The following FLT1 variants were observed in gnomAD, a reference collection of about 807,000 sequenced individuals.
The protein encoded by FLT1 is fms related receptor tyrosine kinase 1.
In FLT1, 49 loss-of-function variants were observed where a neutral mutation model predicts 156.3. The observed-to-expected ratio is 0.31, with a 90% confidence interval of 0.25 to 0.40. FLT1 has a LOEUF of 0.40. Ranked by LOEUF, FLT1 falls within the 10% of genes least tolerant of loss-of-function variation. FLT1 has a pLI of 1.00. For missense variants in FLT1, 1,322 were observed against 1,637.2 expected, an observed-to-expected ratio of 0.81 and a Z score of 3.32; for synonymous variants, 594 against 583.8, an observed-to-expected ratio of 1.02 and a Z score of -0.25.
intron 27 of FLT1, 139 bp from the exon 28 acceptor site, chr13:28,309,066 T>C (rs970866659): frequency 1.1e-5 from 7 of 645,724 alleles, no homozygotes; most frequent in South Asian, 3.2e-5. Context: ...GGCCCCGATC[T>C]CCCCGCCGTG....
intron 3 of FLT1, among the ~76,000 whole-genome samples, chr13:28,451,039 C>T (rs534682054): frequency 1.3e-5 from 2 of 152,174 alleles, no homozygotes; most frequent in Non-Finnish European, 1.5e-5. Context: ...AGACTCACCG[C>T]GGAAACCAAG....
chr13:28,337,830 A>G (rs1872180057), intron 17 of FLT1, among the ~76,000 whole-genome samples: 2 of 152,234 alleles, frequency 1.3e-5, no homozygotes, highest in South Asian at 2.1e-4. Flanking sequence ...TACTGGAAGA[A>G]GCATGTTTGA....
Position 28,301,954 on chromosome 13 carries a change from A to G in FLT1, c.*1213T>C. The G allele has an allele frequency of 4.3e-6, 1 of 233,534 alleles. No homozygotes were observed. Among genetic ancestry groups the G allele is most frequent in the Non-Finnish European group, 8.5e-6 (1 of 118,016 alleles). The allele number at this position is 233,534 out of a possible 1,614,324, so 14.5% of individuals were successfully genotyped here. A position where few individuals can be genotyped will look rare whatever the true frequency, so the allele number is the denominator to read the frequency against. ...TATGCGCCAGCTAATGCTCTTCCAC[A>G]TCCTTTCAGATTAGTGTGAGATAGT... On this transcript the variant is annotated 3_prime_UTR_variant, in exon 30 of 30. Transcript: ENST00000282397.
Position 28,473,835 on chromosome 13 carries a change from A to AAGG in FLT1, c.65-6219_65-6218insCCT, listed in dbSNP as rs1566051004. The stretch of plus-strand genomic sequence containing the variant: ...GAAAGAAAGAAAGAAAGAAAGAAAG[A>AAGG]AAGGAAGAAAGAAAGAAAGAAAGAA... On this transcript the variant is annotated intron_variant, in intron 1 of 29. Coordinates refer to ENST00000282397, the MANE Select transcript of FLT1 (RefSeq NM_002019.4). 1.9e-4 allele frequency among the ~76,000 whole-genome samples: 23 copies of AAGG among 118,782 alleles called. 1 individual carries two copies. The highest frequency in any genetic ancestry group is 8.9e-4 in the African/African-American group (22 of 24,792). The allele number at this position is 118,782 out of a possible 152,430, so 77.9% of individuals were successfully genotyped here.
chr13:28,413,181 C>T (rs1683791046), intron 10 of FLT1, among the ~76,000 whole-genome samples: 2 of 152,232 alleles, frequency 1.3e-5, no homozygotes, highest in South Asian at 4.2e-4. Flanking sequence ...GGGGATCCAG[C>T]GTCCTGGGCC....
chr13:28,300,521 C>CCACACACA lies in FLT1; in HGVS notation c.*2638_*2645dup, dbSNP rs57419092. 5.0e-3 allele frequency: 1,117 copies of CCACACACA among 225,564 alleles called. 12 individuals are homozygous for CCACACACA. Among genetic ancestry groups the CCACACACA allele is most frequent in the African/African-American group, 0.024 (1,021 of 42,820 alleles). The allele number at this position is 225,564 out of a possible 1,614,324, so 14.0% of individuals were successfully genotyped here. On this transcript the variant is annotated 3_prime_UTR_variant, in exon 30 of 30. Transcript: ENST00000282397. ...AGTTATGCACAAAACACACATACAC[C>CCACACACA]CACACACACACACACACACACACAC...
At chr13:28,324,139 T>C (rs1275239604) in intron 20 of FLT1, among the ~76,000 whole-genome samples, 1 of 152,198 alleles carries the variant, frequency 6.6e-6, no homozygotes, top group African/African-American at 2.4e-5. Context: ...AAGATTTTTA[T>C]TGCCTTTTGT....
chr13:28,329,494 G>A (rs1871830551), intron 19 of FLT1, 121 bp downstream of exon 19: 1 of 730,978 alleles, frequency 1.4e-6, no homozygotes, highest in Non-Finnish European at 2.5e-6. Flanking sequence ...AGAGCTATTA[G>A]GGAGGCCGTT....
chr13:28,323,775 C>T (rs1418681550), intron 20 of FLT1, among the ~76,000 whole-genome samples: 1 of 152,178 alleles, frequency 6.6e-6, no homozygotes, highest in African/African-American at 2.4e-5. Context: ...GGAAAGGATC[C>T]TCAGTGTGCT....
At chr13:28,366,790 C>G (rs1237053948) in intron 14 of FLT1, among the ~76,000 whole-genome samples, 2 of 152,178 alleles carry the variant, frequency 1.3e-5, no homozygotes, top group African/African-American at 2.4e-5. Context: ...TTCTGATGCT[C>G]TTGGACCCCA....
chr13:28,308,996 C>T (rs1465308800), intron 27 of FLT1, 69 bp from the exon 28 acceptor site: 3 of 871,100 alleles, frequency 3.4e-6, no homozygotes, highest in African/African-American at 3.3e-5. Context: ...CAGGAGACCA[C>T]AGGCACCATA....
intron 1 of FLT1, among the ~76,000 whole-genome samples, chr13:28,472,717 G>C (rs1349548101): frequency 6.6e-6 from 1 of 152,098 alleles, no homozygotes; most frequent in Non-Finnish European, 1.5e-5. Flanking sequence ...CCCTAGCTCT[G>C]CCATTTGTGA....
intron 16 of FLT1, 54 bp downstream of exon 16, chr13:28,345,391 G>A (rs1872526927): frequency 1.2e-5 from 13 of 1,082,302 alleles, no homozygotes; most frequent in African/African-American, 3.1e-5. Context: ...ACATCAGATC[G>A]GGCTTTTTAG....
intron 14 of FLT1, among the ~76,000 whole-genome samples, chr13:28,381,239 C>G (rs563258036): frequency 6.6e-6 from 1 of 152,264 alleles, no homozygotes; most frequent in South Asian, 2.1e-4. Flanking sequence ...ATTTTGTGAT[C>G]AAGTAAGTTT....
At chr13:28,367,177 A>C (rs139846910) in intron 14 of FLT1, among the ~76,000 whole-genome samples, 4 of 152,204 alleles carry the variant, frequency 2.6e-5, no homozygotes, top group African/African-American at 9.6e-5. Flanking sequence ...AAATTCTGTC[A>C]GTTAATTTTG....
At chr13:28,340,098 C>T (rs554001093) in intron 16 of FLT1, among the ~76,000 whole-genome samples, 8 of 152,178 alleles carry the variant, frequency 5.3e-5, no homozygotes, top group African/African-American at 1.4e-4. Flanking sequence ...ACCTGTAGTC[C>T]CAGCTACTTG....
intron 15 of FLT1, among the ~76,000 whole-genome samples, chr13:28,351,333 C>A (rs1872729575): frequency 2.0e-5 from 3 of 152,164 alleles, no homozygotes; most frequent in African/African-American, 7.2e-5. Flanking sequence ...CGCTTTGAGT[C>A]TCCAGCATTG....
chr13:28,404,477 A>G (rs1054591998), intron 11 of FLT1, among the ~76,000 whole-genome samples: 12 of 152,258 alleles, frequency 7.9e-5, no homozygotes, highest in Non-Finnish European at 1.5e-4. Flanking sequence ...TGACATTAGC[A>G]TATGTCAAAA....
In FLT1 at chr13:28,377,744, C is replaced by A. The variant is rs1300469914; in HGVS notation, c.2116+7141G>T. On this transcript the variant is annotated intron_variant, in intron 14 of 29. Transcript: ENST00000282397. ...GGACCTTTACAACTTAAAAGTAACA[C>A]CCAATCTGAGTTCAAAATAATTTTA... Among the ~76,000 whole-genome samples, 6 of 152,152 alleles carry A rather than the reference C, an allele frequency of 3.9e-5. No homozygotes were observed. The East Asian group carries it at 7.7e-4, about 20-fold the overall frequency.
Sources: allele counts gnomAD v4.1 joint callset (sites outside exome capture counted in the v4.1 genomes callset), GRCh38; gene constraint gnomAD v4.1.1; transcripts MANE v1.5; gene names NCBI Gene and HGNC (gene_info 2026-07-23, HGNC 2026-07-21).